Variants in DRC8 observed in about 807,000 individuals in gnomAD.
The protein encoded by DRC8 is dynein regulatory complex protein 8.
At chr1:245,030,091 ATAT>A in the DRC8 span, among the ~76,000 whole-genome samples, 2 of 152,202 alleles carry the variant, frequency 1.3e-5, no homozygotes. Context: ...AGGAAATCTA[ATAT>A]TAGATTCACT....
At chr1:244,998,150 C>T in the DRC8 span, among the ~76,000 whole-genome samples, 1 of 152,180 alleles carries the variant, frequency 6.6e-6, no homozygotes, top group Non-Finnish European at 1.5e-5. Flanking sequence ...ATTCTATTGA[C>T]TGACCACCAT....
At chr1:244,985,076 G>GTTTTTTTTT in the DRC8 span, among the ~76,000 whole-genome samples, 4 of 130,804 alleles carry the variant, frequency 3.1e-5, no homozygotes, top group Non-Finnish European at 4.7e-5. Flanking sequence ...TGTCTCCAGG[G>GTTTTTTTTT]TTTTTTTTTT....
At chr1:244,970,451 A>AGGGGAGCC in the DRC8 span, 7 of 1,526,472 alleles carry the variant, frequency 4.6e-6, no homozygotes, top group African/African-American at 2.8e-5. Context: ...AAGGTAAGGT[A>AGGGGAGCC]GGGGAGCCGG....
the DRC8 span, among the ~76,000 whole-genome samples, chr1:244,994,499 G>A: frequency 5.1e-3 from 780 of 152,090 alleles, 4 homozygotes; most frequent in African/African-American, 0.018. Flanking sequence ...GCACAATCTC[G>A]GCTCATTGTA....
At chr1:245,033,352 T>A in the DRC8 span, among the ~76,000 whole-genome samples, 1 of 152,194 alleles carries the variant, frequency 6.6e-6, no homozygotes, top group Non-Finnish European at 1.5e-5. Flanking sequence ...TGCCGAGTTC[T>A]CCTCTCCCGG....
At chr1:245,066,201 A>G in the DRC8 span, among the ~76,000 whole-genome samples, 1 of 152,130 alleles carries the variant, frequency 6.6e-6, no homozygotes, top group East Asian at 1.9e-4. Flanking sequence ...CTTTACTGCA[A>G]TTTTAATAAG....
chr1:244,978,443 A>AG, the DRC8 span, among the ~76,000 whole-genome samples: 2 of 150,986 alleles, frequency 1.3e-5, no homozygotes, highest in Admixed American at 1.3e-4. Flanking sequence ...TGATGAGCTG[A>AG]GAGCACCATT....
At chr1:244,996,727 G>A in the DRC8 span, among the ~76,000 whole-genome samples, 9 of 152,254 alleles carry the variant, frequency 5.9e-5, no homozygotes, top group East Asian at 9.6e-4. Context: ...ATATTCTATA[G>A]CATCATTGCC....
the DRC8 span, among the ~76,000 whole-genome samples, chr1:245,089,548 G>A: frequency 6.6e-6 from 1 of 152,020 alleles, no homozygotes; most frequent in Non-Finnish European, 1.5e-5. This position sits in a 1 kb window ranked among gnomAD's most constrained non-coding sequence, Gnocchi z 4.8. Context: ...GCCAGATGTA[G>A]TGGAGAGGAG....
the DRC8 span, among the ~76,000 whole-genome samples, chr1:245,045,761 ACAGCAGCCATCGGTCTGACTGGTTG>A: frequency 0.3 from 44,821 of 151,440 alleles, 6,803 homozygotes; most frequent in Middle Eastern, 0.35. Context: ...CTGGTTGTGG[ACAGCAGCCATCGGTCTGACTGGTTG>A]TGGACAGCAA....
At chr1:245,015,861 A>G in the DRC8 span, 1 of 160,778 alleles carries the variant, frequency 6.2e-6, no homozygotes. Flanking sequence ...CATAATAGCC[A>G]AAGTGATCAG....
At chr1:245,003,553 T>C in the DRC8 span, among the ~76,000 whole-genome samples, 1 of 152,160 alleles carries the variant, frequency 6.6e-6, no homozygotes, top group African/African-American at 2.4e-5. Flanking sequence ...GTAATCTCTG[T>C]TATAATTATG....
chr1:245,051,619 G>C, the DRC8 span, among the ~76,000 whole-genome samples: 3 of 152,144 alleles, frequency 2.0e-5, no homozygotes, highest in African/African-American at 7.2e-5. Context: ...AATGAAGCTG[G>C]CGGTTACAAG....
the DRC8 span, among the ~76,000 whole-genome samples, chr1:245,082,790 C>CA: frequency 6.6e-6 from 1 of 152,176 alleles, no homozygotes; most frequent in African/African-American, 2.4e-5. Flanking sequence ...CTGCAACCTC[C>CA]ACCTCCTGGG....
the DRC8 span, among the ~76,000 whole-genome samples, chr1:244,981,335 C>A: frequency 1.3e-5 from 2 of 152,036 alleles, no homozygotes; most frequent in Non-Finnish European, 2.9e-5. Flanking sequence ...GGAAAATGAG[C>A]AAATAGTGTC....
chr1:244,974,488 T>G, the DRC8 span, among the ~76,000 whole-genome samples: 1 of 152,238 alleles, frequency 6.6e-6, no homozygotes, highest in Admixed American at 6.5e-5. Flanking sequence ...TCTAATTCAA[T>G]TATCACCTCC....
the DRC8 span, among the ~76,000 whole-genome samples, chr1:244,986,778 C>T: frequency 5.3e-5 from 8 of 151,050 alleles, no homozygotes; most frequent in Non-Finnish European, 1.2e-4. Flanking sequence ...CTTGCTTGCA[C>T]TGTGGAAGGG....
the DRC8 span, among the ~76,000 whole-genome samples, chr1:244,971,920 T>C: frequency 6.7e-6 from 1 of 149,468 alleles, no homozygotes; most frequent in Non-Finnish European, 1.5e-5. Flanking sequence ...ATTTTAAAAC[T>C]TTCCCAGAAA....
chr1:245,097,517 CA>C, the DRC8 span, among the ~76,000 whole-genome samples: 27 of 148,494 alleles, frequency 1.8e-4, no homozygotes, highest in African/African-American at 3.4e-4. This position sits in a 1 kb window ranked among gnomAD's most constrained non-coding sequence, Gnocchi z 5.0. Context: ...GATTCCCTCT[CA>C]AAAAAAAAAA....
Sources: allele counts gnomAD v4.1 joint callset (sites outside exome capture counted in the v4.1 genomes callset), GRCh38; gene constraint gnomAD v4.1.1; non-coding constraint Gnocchi (gnomAD v3.1); transcripts MANE v1.5; gene names NCBI Gene and HGNC (gene_info 2026-07-23, HGNC 2026-07-21).